TRAF5: variants seen among roughly 807,000 people sequenced by gnomAD.
TRAF5 encodes the protein TNF receptor associated factor 5, also known as TNF receptor-associated factor 5.
Under a neutral mutation model 64.5 loss-of-function variants are expected in TRAF5, and 48 were observed. The observed-to-expected ratio is 0.74, with a 90% CI of 0.59 to 0.95. The LOEUF (loss-of-function observed/expected upper bound fraction) is 0.95. TRAF5 is among the 40% of genes least tolerant of loss of function. TRAF5 has a pLI of 0.00. For missense variants in TRAF5, 545 were observed against 662.8 expected (o/e 0.82, Z 1.95); for synonymous variants, 206 against 240.5 (o/e 0.86, Z 1.33).
At chr1:211,365,025 T>C (rs577165951) in intron 7 of TRAF5, among the ~76,000 whole-genome samples, 3 of 151,970 alleles carry the variant, frequency 2.0e-5, no homozygotes, top group Admixed American at 2.0e-4. Context: ...ATACAAAAAT[T>C]AGCTGAGTGT....
chr1:211,332,198 G>C (rs915214271), intron 1 of TRAF5, among the ~76,000 whole-genome samples: 1 of 152,228 alleles, frequency 6.6e-6, no homozygotes, highest in African/African-American at 2.4e-5. Flanking sequence ...GCAGGCGGCA[G>C]CTTTGGAGGA....
In TRAF5 at chr1:211,360,190, A is replaced by C. The variant is rs1288587845; in HGVS notation, c.543+114A>C. ...ATTCCTGCATTTATTTTTGTACAGA[A>C]TTAGGTCTAAAGAATTTGCTTTTTG... is the stretch of plus-strand genomic sequence containing the variant. On this transcript the variant is annotated intron_variant, in intron 5 of 10. Transcript: ENST00000261464. 4 of 1,183,244 alleles carry C rather than the reference A, an allele frequency of 3.4e-6. No individual in the cohort carries two copies. In the South Asian group the frequency reaches 6.0e-5, roughly 18 times the overall value. 73.3% of individuals were successfully genotyped at this position (1,183,244 alleles called of 1,614,324 possible). A position where few individuals can be genotyped will look rare whatever the true frequency, so the allele number is the denominator to read the frequency against.
chr1:211,330,512 C>T (rs757348994), intron 1 of TRAF5, among the ~76,000 whole-genome samples: 2 of 152,090 alleles, frequency 1.3e-5, no homozygotes, highest in African/African-American at 2.4e-5. Flanking sequence ...AGACTTCTTC[C>T]CTCCCCCACA....
chr1:211,331,857 G>A (rs531776254), intron 1 of TRAF5, among the ~76,000 whole-genome samples: 1 of 152,246 alleles, frequency 6.6e-6, no homozygotes, highest in Non-Finnish European at 1.5e-5. Context: ...AGTAGAGATG[G>A]GGTTTCACCA....
intron 1 of TRAF5, chr1:211,346,409 C>T (rs2102731428): frequency 6.1e-6 from 6 of 985,390 alleles, no homozygotes; most frequent in Non-Finnish European, 7.2e-6. Flanking sequence ...GTCCTGCTCA[C>T]GGTTTCATGG....
chr1:211,360,947 C>G, intron 6 of TRAF5, 141 bp from the exon 7 acceptor site: 1 of 1,014,160 alleles, frequency 9.9e-7, no homozygotes, highest in Non-Finnish European at 1.5e-6. Flanking sequence ...CTCTCTTCAA[C>G]TTTCATCATA....
rs1417254546 is a variant in TRAF5 at position 211,359,783 on chromosome 1, C to T, written c.379-129C>T. 8 of 1,055,560 alleles carry T rather than the reference C, an allele frequency of 7.6e-6. No individual in the cohort carries two copies. The Admixed American group carries it at 1.7e-4, about 23-fold the overall frequency. The allele number at this position is 1,055,560 out of a possible 1,614,324, so 65.4% of individuals were successfully genotyped here. On this transcript the variant is annotated intron_variant, in intron 4 of 10. Coordinates refer to ENST00000261464, the MANE Select transcript of TRAF5 (RefSeq NM_001033910.3). ...GCATCCCCTGAGAGCCTACCCTCTG[C>T]CTTGCCCTGTGCAAGCCTTTCTGCC...
chr1:211,343,710 C>G (rs1264234304), intron 1 of TRAF5, among the ~76,000 whole-genome samples: 3 of 152,184 alleles, frequency 2.0e-5, no homozygotes, highest in Non-Finnish European at 4.4e-5. Context: ...TTTTAATACC[C>G]TTCTCTTGCC....
chr1:211,371,986 T>C (rs1404000452), intron 10 of TRAF5, 142 bp from the exon 11 acceptor site: 19 of 730,996 alleles, frequency 2.6e-5, no homozygotes, highest in Non-Finnish European at 4.1e-5. Flanking sequence ...TTAATATTAC[T>C]ACAACAAATG....
intron 1 of TRAF5, among the ~76,000 whole-genome samples, chr1:211,338,749 C>A (rs905297635): frequency 2.0e-5 from 3 of 152,142 alleles, no homozygotes; most frequent in African/African-American, 7.2e-5. Flanking sequence ...CTCAGCCTCC[C>A]AGGTAGCTGG....
chr1:211,338,936 C>G (rs1410951558), intron 1 of TRAF5, among the ~76,000 whole-genome samples: 1 of 152,216 alleles, frequency 6.6e-6, no homozygotes, highest in Non-Finnish European at 1.5e-5. Flanking sequence ...AAGTGAATGG[C>G]AGAAGGGTTT....
intron 3 of TRAF5, among the ~76,000 whole-genome samples, 188 bp from the exon 4 acceptor site, chr1:211,356,179 G>A (rs1702956459): frequency 6.6e-6 from 1 of 152,192 alleles, no homozygotes; most frequent in Non-Finnish European, 1.5e-5. Flanking sequence ...TTAATGGTTT[G>A]TCAAAAGCAT....
chr1:211,351,393 C>T (rs1361973881), intron 1 of TRAF5, among the ~76,000 whole-genome samples: 1 of 152,096 alleles, frequency 6.6e-6, no homozygotes, highest in Non-Finnish European at 1.5e-5. Flanking sequence ...GACTTCATTA[C>T]CTGCCAAATG....
intron 6 of TRAF5, 91 bp from the exon 7 acceptor site, chr1:211,360,980 TCCTTCTCCTGGTCCTTG>T: frequency 8.5e-7 from 1 of 1,182,190 alleles, no homozygotes; most frequent in Non-Finnish European, 1.2e-6. Flanking sequence ...CAGGCCTCTC[TCCTTCTCCTGGTCCTTG>T]CCTTCTTCCC....
intron 1 of TRAF5, among the ~76,000 whole-genome samples, chr1:211,351,252 T>C (rs1702779018): frequency 6.6e-6 from 1 of 151,800 alleles, no homozygotes; most frequent in South Asian, 2.1e-4. Flanking sequence ...GGTCTCTATC[T>C]CCTGACCTCA....
intron 7 of TRAF5, among the ~76,000 whole-genome samples, chr1:211,364,558 T>G (rs1029470417): frequency 2.6e-5 from 4 of 151,952 alleles, no homozygotes; most frequent in Non-Finnish European, 5.9e-5. Context: ...TGGTGGCATG[T>G]GCCTGTAATC....
chr1:211,337,928 G>A (rs976889844), intron 1 of TRAF5, among the ~76,000 whole-genome samples: 1 of 152,152 alleles, frequency 6.6e-6, no homozygotes, highest in African/African-American at 2.4e-5. Context: ...AGTGTGTCTG[G>A]GGCTCAGGGG....
intron 1 of TRAF5, among the ~76,000 whole-genome samples, chr1:211,332,268 A>G (rs1572050560): frequency 6.6e-6 from 1 of 152,356 alleles, no homozygotes. Flanking sequence ...GGAAAACAAA[A>G]ATACAAGCTC....
intron 1 of TRAF5, among the ~76,000 whole-genome samples, chr1:211,338,608 C>A (rs561842646): frequency 7.7e-4 from 117 of 152,248 alleles, no homozygotes; most frequent in Non-Finnish European, 1.2e-3. Flanking sequence ...AACTCCAAGC[C>A]TTTGTAGCAG....
Sources: allele counts gnomAD v4.1 joint callset (sites outside exome capture counted in the v4.1 genomes callset), GRCh38; gene constraint gnomAD v4.1.1; transcripts MANE v1.5; gene names NCBI Gene and HGNC (gene_info 2026-07-23, HGNC 2026-07-21).